Variants in SV2B observed in about 807,000 individuals in gnomAD.
SV2B encodes the protein solute carrier family 22 member B2.
A neutral mutation model predicts 73.9 loss-of-function variants in SV2B; 41 were observed. The observed-to-expected ratio is 0.56, with a 90% CI of 0.43 to 0.72. The LOEUF is 0.72. Among genes scored for constraint, SV2B ranks in the 30% least tolerant of loss-of-function variants. The pLI is 0.00. For missense variants in SV2B, 764 were observed against 857.8 expected (o/e 0.89, Z 1.37); for synonymous variants, 314 against 314.2 (o/e 1.00, Z 0.01).
intron 1 of SV2B, among the ~76,000 whole-genome samples, chr15:91,184,304 T>G (rs1443303448): frequency 6.6e-6 from 1 of 152,180 alleles, no homozygotes; most frequent in Non-Finnish European, 1.5e-5. Flanking sequence ...GTCAGTCAGA[T>G]GAGATTTTGA....
At chr15:91,151,662 C>T (rs909980286) in intron 1 of SV2B, among the ~76,000 whole-genome samples, 1 of 152,192 alleles carries the variant, frequency 6.6e-6, no homozygotes, top group African/African-American at 2.4e-5. Flanking sequence ...GGGGTCTGGA[C>T]TGTAAATTGA....
chr15:91,289,780 T>A lies in SV2B; in HGVS notation c.1868+100T>A. ...CTCATGCTGTGCATGGCCATCGTGG[T>A]CTTTCTGCTGTTCCGTGAAACAAAC... On this transcript the variant is annotated intron_variant, in intron 12 of 12. Coordinates refer to ENST00000394232, the MANE Select transcript of SV2B (RefSeq NM_001323032.3). The surrounding 1 kb of genome is among the most constrained non-coding windows in gnomAD (Gnocchi z 4.9). The A allele has an allele frequency of 7.7e-7, 1 of 1,303,684 alleles. No individual in the cohort carries two copies. Among genetic ancestry groups the A allele is most frequent in the South Asian group, 1.5e-5 (1 of 67,804 alleles). 80.8% of individuals were successfully genotyped at this position (1,303,684 alleles called of 1,614,324 possible). A position where few individuals can be genotyped will look rare whatever the true frequency, so the allele number is the denominator to read the frequency against.
At chr15:91,218,965 G>A (rs1455847943) in intron 1 of SV2B, among the ~76,000 whole-genome samples, 1 of 151,848 alleles carries the variant, frequency 6.6e-6, no homozygotes, top group Non-Finnish European at 1.5e-5. Context: ...TTAATACATG[G>A]TCTTTCTCTG....
intron 1 of SV2B, among the ~76,000 whole-genome samples, chr15:91,158,703 C>CCCTTCCCTTCCCTTCCCTTCCCTT (rs2043593795): frequency 2.5e-5 from 1 of 40,278 alleles, no homozygotes. Context: ...TCTCTTCTCT[C>CCCTTCCCTTCCCTTCCCTTCCCTT]CTCTCCTCTC....
At chr15:91,189,966 C>T (rs377102853) in intron 1 of SV2B, among the ~76,000 whole-genome samples, 27 of 150,876 alleles carry the variant, frequency 1.8e-4, no homozygotes, top group African/African-American at 6.1e-4. Context: ...CCAGCCTGGG[C>T]GACAGAGCGA....
Position 91,107,074 on chromosome 15 carries a change from T to TTG in SV2B, c.-392+6728_-392+6729dup, listed in dbSNP as rs756643602. 9.0e-4 allele frequency among the ~76,000 whole-genome samples: 135 copies of TTG among 149,642 alleles called. 1 individual carries two copies. The highest frequency in any genetic ancestry group is 2.3e-3 in the African/African-American group (96 of 40,944). Reference sequence around the variant, plus strand: ...AAGCAGGTACTGCTGTTGAAAGTGGTTGTGTGTGTGTGTGTGTGAGGGAGA... The same window carrying TTG: ...AAGCAGGTACTGCTGTTGAAAGTGGTTGTGTGTGTGTGTGTGTGTGAGGGAGA... On this transcript the variant is annotated intron_variant, in intron 1 of 12. Transcript: ENST00000394232.
chr15:91,226,496 C>G lies in SV2B; in HGVS notation c.233C>G (p.Thr78Arg), dbSNP rs769924724. ...PSRMDSLRGQ[T>R]DLMAERLEDE... ...AGAATGGACAGCCTTCGGGGCCAGA[C>G]AGACCTGATGGCTGAGAGGCTGGAA... Residue 78 changes from threonine to arginine, a missense_variant, in exon 2 of 13, where the codon ACA becomes AGA. By Grantham distance (71) the Thr-to-Arg change is moderately conservative (BLOSUM62 -1). Transcript: ENST00000394232. 1 of 1,614,226 alleles carries G rather than the reference C, an allele frequency of 6.2e-7. No individual in the cohort carries two copies. The highest frequency in any genetic ancestry group is 1.3e-5 in the African/African-American group (1 of 75,068).
rs1232883415 is a variant in SV2B at position 91,128,220 on chromosome 15, C to T, written c.-392+27857C>T. Reference sequence around the variant, plus strand: ...GTCCCTCCTGGGAGCTGTTTTCACCCTCTTCCACCAGTGAGTCATCCGCAG... The same window carrying T: ...GTCCCTCCTGGGAGCTGTTTTCACCTTCTTCCACCAGTGAGTCATCCGCAG... On this transcript the variant is annotated intron_variant, in intron 1 of 12. Transcript: ENST00000394232. The surrounding 1 kb of genome is among the most constrained non-coding windows in gnomAD (Gnocchi z 4.2). 6.6e-6 allele frequency among the ~76,000 whole-genome samples: 1 copy of T among 152,146 alleles called. No individual in the cohort carries two copies. Among genetic ancestry groups the T allele is most frequent in the Non-Finnish European group, 1.5e-5 (1 of 68,024 alleles).
rs1471407735 is a variant in SV2B, at chr15:91,128,805, A to C, written c.-392+28442A>C. 6.6e-6 allele frequency: 1 copy of C among 152,336 alleles called. No homozygotes were observed. Among genetic ancestry groups the C allele is most frequent in the Non-Finnish European group, 1.5e-5 (1 of 68,114 alleles). The allele number at this position is 152,336 out of a possible 1,614,324, so 9.4% of individuals were successfully genotyped here. ...TGCCCAGAGATGACCAGAGGAATCTAGACAGGTAGGTCTTCTGGGTTTCCT... is the reference window on the plus strand; with the variant it reads ...TGCCCAGAGATGACCAGAGGAATCTCGACAGGTAGGTCTTCTGGGTTTCCT... On this transcript the variant is annotated intron_variant, in intron 1 of 12. Coordinates refer to ENST00000394232, the MANE Select transcript of SV2B (RefSeq NM_001323032.3). This position sits in a 1 kb window ranked among gnomAD's most constrained non-coding sequence, Gnocchi z 4.2.
intron 1 of SV2B, among the ~76,000 whole-genome samples, chr15:91,175,260 C>CTT (rs1182322611): frequency 6.9e-6 from 1 of 145,126 alleles, no homozygotes; most frequent in Non-Finnish European, 1.5e-5. Context: ...TTTCTTTTTT[C>CTT]TTTTTTTTTT....
At chr15:91,143,107 C>T (rs1179744089) in intron 1 of SV2B, among the ~76,000 whole-genome samples, 2 of 152,234 alleles carry the variant, frequency 1.3e-5, no homozygotes, top group South Asian at 2.1e-4. Context: ...AGGGACAGAC[C>T]GGGTGGGTCC....
chr15:91,227,209 C>A lies in SV2B; in HGVS notation c.451+495C>A, dbSNP rs1596627520. On this transcript the variant is annotated intron_variant, in intron 2 of 12. Transcript: ENST00000394232. This position sits in a 1 kb window ranked among gnomAD's most constrained non-coding sequence, Gnocchi z 4.5. Reference sequence around the variant, plus strand: ...TACATAAATGTTAGTAGGCTGAATGCCCACATACCCTGGGGATGAATGGTG... The same window carrying A: ...TACATAAATGTTAGTAGGCTGAATGACCACATACCCTGGGGATGAATGGTG... Among the ~76,000 whole-genome samples the A allele has an allele frequency of 6.6e-6, 1 of 152,146 alleles. No individual in the cohort carries two copies. Among genetic ancestry groups the A allele is most frequent in the South Asian group, 2.1e-4 (1 of 4,822 alleles).
At chr15:91,195,650 G>T (rs899773931) in intron 1 of SV2B, among the ~76,000 whole-genome samples, 4 of 152,150 alleles carry the variant, frequency 2.6e-5, no homozygotes, top group African/African-American at 9.7e-5. Context: ...GAAGGTTCAG[G>T]CTCTAGGGTT....
At chr15:91,228,156 A>C (rs1443836744) in intron 2 of SV2B, among the ~76,000 whole-genome samples, 2 of 152,206 alleles carry the variant, frequency 1.3e-5, no homozygotes, top group African/African-American at 4.8e-5. Flanking sequence ...AAATGGTTTT[A>C]CACGTTTGTG....
At chr15:91,195,368 C>T (rs2045207399) in intron 1 of SV2B, among the ~76,000 whole-genome samples, 1 of 152,164 alleles carries the variant, frequency 6.6e-6, no homozygotes, top group African/African-American at 2.4e-5. Context: ...CTGTGTTGCC[C>T]ACACTGGTCT....
Position 91,297,019 on chromosome 15 carries a change from G to A in SV2B, c.*4467G>A, listed in dbSNP as rs1345529511. ...GCACGCTCCTTCTGCCCGATCGTTG[G>A]GCGCACGCTTCTTCTGCCTGATCGT... On this transcript the variant is annotated 3_prime_UTR_variant, in exon 13 of 13. Transcript: ENST00000394232. This position sits in a 1 kb window ranked among gnomAD's most constrained non-coding sequence, Gnocchi z 5.1. 3 of 150,092 alleles carry A rather than the reference G, an allele frequency of 2.0e-5. No individual in the cohort carries two copies. 9.3% of individuals were successfully genotyped at this position (150,092 alleles called of 1,614,324 possible).
rs2046769389 is a variant in SV2B at position 91,236,089 on chromosome 15, C to T, written c.451+9375C>T. 6.6e-6 allele frequency among the ~76,000 whole-genome samples: 1 copy of T among 152,218 alleles called. No homozygotes were observed. On this transcript the variant is annotated intron_variant, in intron 2 of 12. Coordinates refer to ENST00000394232, the MANE Select transcript of SV2B (RefSeq NM_001323032.3). This position sits in a 1 kb window ranked among gnomAD's most constrained non-coding sequence, Gnocchi z 4.1. The stretch of plus-strand genomic sequence containing the variant: ...ACTGCAAAACCTGATGTTTTAGCTT[C>T]TCAGTTGTTTCAACATTGATTAAAG...
At chr15:91,285,186 A>T (rs2048818733) in intron 11 of SV2B, among the ~76,000 whole-genome samples, 1 of 152,242 alleles carries the variant, frequency 6.6e-6, no homozygotes, top group Non-Finnish European at 1.5e-5. Flanking sequence ...CATTTGGCTC[A>T]TACTGAATAT....
At position 91,214,479 on chromosome 15, in the gene SV2B, A is replaced by G. The variant is rs994332953; in HGVS notation, c.-391-11394A>G. ...AATGTTAACTCATTTAATTCTCATA[A>G]CAATGCAATGAATAGGAATCCTTAT... is the stretch of plus-strand genomic sequence containing the variant. On this transcript the variant is annotated intron_variant, in intron 1 of 12. Transcript: ENST00000394232. This position sits in a 1 kb window ranked among gnomAD's most constrained non-coding sequence, Gnocchi z 4.7. Among the ~76,000 whole-genome samples, 1 of 152,202 alleles carries G rather than the reference A, an allele frequency of 6.6e-6. No individual in the cohort carries two copies. The highest frequency in any genetic ancestry group is 1.5e-5 in the Non-Finnish European group (1 of 68,042).
Sources: gnomAD v4.1 joint callset for allele counts (sites outside exome capture counted in the v4.1 genomes callset) on GRCh38, gnomAD v4.1.1 for gene constraint, Gnocchi (gnomAD v3.1) non-coding constraint, MANE v1.5 for transcripts, NCBI Gene and HGNC (gene_info 2026-07-23, HGNC 2026-07-21) for gene names.